OR7E24: variants seen among roughly 807,000 people sequenced by gnomAD.
The protein encoded by OR7E24 is olfactory receptor 7E24.
For missense variants in OR7E24, 385 were observed against 410.3 expected (o/e 0.94, Z 0.53); for synonymous variants, 130 against 157.5 (o/e 0.83, Z 1.31).
the OR7E24 span, among the ~76,000 whole-genome samples, chr19:9,227,572 T>C: frequency 6.6e-6 from 1 of 152,072 alleles, no homozygotes; most frequent in East Asian, 1.9e-4. Flanking sequence ...ATGGTGTATA[T>C]GTACCACATT....
chr19:9,223,975 C>T, the OR7E24 span, among the ~76,000 whole-genome samples: 3 of 151,892 alleles, frequency 2.0e-5, no homozygotes, highest in Admixed American at 6.6e-5. Context: ...CTCCGCCTCC[C>T]GATTAGCTGG....
upstream of OR7E24, among the ~76,000 whole-genome samples, chr19:9,245,323 T>C (rs1171591747): frequency 2.0e-5 from 3 of 151,792 alleles, no homozygotes; most frequent in East Asian, 1.9e-4. Context: ...CACTCATCAA[T>C]AGGGGCATGC....
At chr19:9,218,963 G>A in the OR7E24 span, among the ~76,000 whole-genome samples, 16 of 151,484 alleles carry the variant, frequency 1.1e-4, no homozygotes, top group Non-Finnish European at 2.2e-4. Context: ...AAAAAAAATT[G>A]GACTGCATGT....
At chr19:9,240,835 T>C in the OR7E24 span, among the ~76,000 whole-genome samples, 1 of 152,194 alleles carries the variant, frequency 6.6e-6, no homozygotes, top group South Asian at 2.1e-4. Context: ...TTATTTATTT[T>C]GAGACACAGT....
At chr19:9,221,578 C>G in the OR7E24 span, among the ~76,000 whole-genome samples, 1 of 151,736 alleles carries the variant, frequency 6.6e-6, no homozygotes, top group Non-Finnish European at 1.5e-5. Flanking sequence ...GTCTCGATCT[C>G]CTGACCCCGT....
rs1363219528 is a variant in OR7E24 at position 9,251,355 on chromosome 19, A to G, written c.312A>G (p.Gln104=). The change falls in exon 1 of 1, where the codon CAA becomes CAG. Residue 104 remains glutamine (Q), a synonymous_variant. Coordinates refer to ENST00000456448, the MANE Select transcript of OR7E24 (RefSeq NM_001079935.2). Reference sequence around the variant, plus strand: ...TCCCCAAGATGATTGTGGACATGCAAACTCACAGCAGAGTCATCTCCTATG... The same window carrying G: ...TCCCCAAGATGATTGTGGACATGCAGACTCACAGCAGAGTCATCTCCTATG... ...TTVPKMIVDM[Q]THSRVISYEG... 6.2e-7 allele frequency: 1 copy of G among 1,613,914 alleles called. No individual in the cohort carries two copies.
the OR7E24 span, among the ~76,000 whole-genome samples, chr19:9,239,695 C>T: frequency 1.4e-5 from 2 of 142,592 alleles, no homozygotes; most frequent in Admixed American, 1.4e-4. Context: ...AATATTCTTT[C>T]TTTTTCTTTT....
At chr19:9,217,920 T>C in the OR7E24 span, among the ~76,000 whole-genome samples, 5 of 152,270 alleles carry the variant, frequency 3.3e-5, no homozygotes, top group South Asian at 1.0e-3. Context: ...GATTGTCCCA[T>C]GGGTCATTGA....
At chr19:9,242,853 TTCTTTCTTCCCTCATTCCCTCC>T (rs1173872398), upstream of OR7E24, among the ~76,000 whole-genome samples, 1,214 of 152,034 alleles carry the variant, frequency 8.0e-3, 11 homozygotes, top group African/African-American at 0.028. Flanking sequence ...TCCTTTCCTC[TTCTTTCTTCCCTCATTCCCTCC>T]TCTTTCTTCC....
At chr19:9,208,368 G>A in the OR7E24 span, 1 of 152,138 alleles carries the variant, frequency 6.6e-6, no homozygotes, top group African/African-American at 2.4e-5. Context: ...CCTTGACTGA[G>A]GAACAAAAGT....
chr19:9,207,371 T>G, the OR7E24 span: 1 of 152,142 alleles, frequency 6.6e-6, no homozygotes, highest in Non-Finnish European at 1.5e-5. Flanking sequence ...GAAATGAAAG[T>G]GAGTCATTTG....
the OR7E24 span, among the ~76,000 whole-genome samples, chr19:9,237,909 T>C: frequency 6.6e-6 from 1 of 152,196 alleles, no homozygotes; most frequent in African/African-American, 2.4e-5. Flanking sequence ...TTATAGAAGC[T>C]GGCACATTGA....
At chr19:9,229,535 A>G in the OR7E24 span, among the ~76,000 whole-genome samples, 1 of 128,850 alleles carries the variant, frequency 7.8e-6, no homozygotes, top group Non-Finnish European at 1.6e-5. Context: ...ATTCTGTCTC[A>G]AAAAAAAAAA....
At chr19:9,224,833 CA>C in the OR7E24 span, among the ~76,000 whole-genome samples, 1 of 151,798 alleles carries the variant, frequency 6.6e-6, no homozygotes, top group Non-Finnish European at 1.5e-5. Context: ...TGACCTTCAA[CA>C]CCATAGATCT....
chr19:9,250,348 G>T (rs925748973), upstream of OR7E24, among the ~76,000 whole-genome samples: 21 of 152,128 alleles, frequency 1.4e-4, no homozygotes, highest in Non-Finnish European at 2.6e-4. Flanking sequence ...TCCTGCCTTG[G>T]CCTCCCAAAG....
At chr19:9,223,978 T>A in the OR7E24 span, among the ~76,000 whole-genome samples, 1 of 151,882 alleles carries the variant, frequency 6.6e-6, no homozygotes, top group African/African-American at 2.4e-5. Flanking sequence ...CGCCTCCCGA[T>A]TAGCTGGGAT....
chr19:9,227,090 C>G, the OR7E24 span, among the ~76,000 whole-genome samples: 1 of 152,178 alleles, frequency 6.6e-6, no homozygotes, highest in East Asian at 1.9e-4. Flanking sequence ...GTTCCCCTCT[C>G]TGTGTCCATG....
chr19:9,237,982 A>AG, the OR7E24 span, among the ~76,000 whole-genome samples: 1 of 152,148 alleles, frequency 6.6e-6, no homozygotes, highest in African/African-American at 2.4e-5. Context: ...TTTTTAAAAA[A>AG]ACAACTGTAG....
chr19:9,243,225 C>G (rs904367396), upstream of OR7E24, among the ~76,000 whole-genome samples: 1 of 152,074 alleles, frequency 6.6e-6, no homozygotes, highest in Non-Finnish European at 1.5e-5. Context: ...AAGACCCTCC[C>G]GCCATCTCCA....
Sources: allele counts gnomAD v4.1 joint callset (sites outside exome capture counted in the v4.1 genomes callset), GRCh38; gene constraint gnomAD v4.1.1; transcripts MANE v1.5; gene names NCBI Gene and HGNC (gene_info 2026-07-23, HGNC 2026-07-21).